Variants in ZNF525 observed in about 807,000 individuals in gnomAD.
The protein encoded by ZNF525 is zinc finger protein 525.
ZNF525 carries 33 observed loss-of-function variants against 37.6 expected under a neutral mutation model. That is an observed-to-expected ratio of 0.88 (90% confidence interval 0.67 to 1.17). ZNF525 has a LOEUF of 1.17. Among genes scored for constraint, ZNF525 ranks in the 50% most tolerant of loss-of-function variants. The pLI, the probability that ZNF525 is intolerant of heterozygous loss-of-function variation, is 0.00. For missense variants in ZNF525, 449 were observed against 543.1 expected, an observed-to-expected ratio of 0.83 and a Z score of 1.72; for synonymous variants, 170 against 182.3, an observed-to-expected ratio of 0.93 and a Z score of 0.54.
In ZNF525 at chr19:53,384,895, G is replaced by A. The variant is rs941189821; in HGVS notation, c.*2876G>A. The A allele has an allele frequency of 6.3e-5, 44 of 695,274 alleles. No individual in the cohort carries two copies. The East Asian group carries it at 1.1e-3, about 18-fold the overall frequency. 43.1% of individuals were successfully genotyped at this position (695,274 alleles called of 1,614,324 possible). ...GGAAAGCATTCCATTTTCCCTGCTT[G>A]GTTATTTACTCATTTGTCATTTCAT... On this transcript the variant is annotated 3_prime_UTR_variant, in exon 4 of 4. Transcript: ENST00000474037.
intron 1 of ZNF525, among the ~76,000 whole-genome samples, chr19:53,366,924 A>G (rs8107617): frequency 0.26 from 37,655 of 145,720 alleles, 5,146 homozygotes; most frequent in African/African-American, 0.35. Context: ...TTTAAGGTAC[A>G]CAGCGGCTCA....
rs2085576410 is a variant in ZNF525, at chr19:53,382,759, C to G, written c.*740C>G. ...AGTGTGATAAATGTGACAAATTTTT[C>G]AGACATCGTTCATACCTTGCAGTTC... On this transcript the variant is annotated 3_prime_UTR_variant, in exon 4 of 4. Transcript: ENST00000474037. The G allele has an allele frequency of 1.1e-6, 1 of 919,654 alleles. No homozygotes were observed. The allele number at this position is 919,654 out of a possible 1,614,324, so 57.0% of individuals were successfully genotyped here.
At chr19:53,377,736 G>GT (rs1162323085) in intron 3 of ZNF525, among the ~76,000 whole-genome samples, 1 of 151,532 alleles carries the variant, frequency 6.6e-6, no homozygotes, top group African/African-American at 2.4e-5. Flanking sequence ...TTGTATTTTT[G>GT]TTTTTTGTAG....
rs1314156099 is a variant in ZNF525, at chr19:53,382,866, G to A, written c.*847G>A. The stretch of plus-strand genomic sequence containing the variant: ...TTCAGATTCAAATCAAACCTTGAAA[G>A]TCATAGGAGAATTCATACTAGAGAG... On this transcript the variant is annotated 3_prime_UTR_variant, in exon 4 of 4. Transcript: ENST00000474037. 1.5e-5 allele frequency: 21 copies of A among 1,363,272 alleles called. No individual in the cohort carries two copies. Among genetic ancestry groups the A allele is most frequent in the Non-Finnish European group, 2.1e-5 (20 of 962,226 alleles). 84.4% of individuals were successfully genotyped at this position (1,363,272 alleles called of 1,614,324 possible). A position where few individuals can be genotyped will look rare whatever the true frequency, so the allele number is the denominator to read the frequency against.
Position 53,382,559 on chromosome 19 carries a change from C to G in ZNF525, c.*540C>G. On this transcript the variant is annotated 3_prime_UTR_variant, in exon 4 of 4. Coordinates refer to ENST00000474037, the MANE Select transcript of ZNF525 (RefSeq NM_001348156.2). The stretch of plus-strand genomic sequence containing the variant: ...TCATAGACGTCATACTGGAGAGAAA[C>G]CTTAGAAGTGCAATGAGTGTGGCAA... The G allele has an allele frequency of 3.0e-6, 2 of 664,940 alleles. No homozygotes were observed. The allele number at this position is 664,940 out of a possible 1,614,324, so 41.2% of individuals were successfully genotyped here.
At chr19:53,375,454 A>C (rs2085514547) in intron 2 of ZNF525, among the ~76,000 whole-genome samples, 1 of 152,088 alleles carries the variant, frequency 6.6e-6, no homozygotes, top group Non-Finnish European at 1.5e-5. Context: ...GCGTGGTGGC[A>C]TGCACCTGTA....
Position 53,383,746 on chromosome 19 carries a change from T to C in ZNF525, c.*1727T>C, listed in dbSNP as rs2085585173. 7.4e-5 allele frequency: 43 copies of C among 578,710 alleles called. 1 individual carries two copies. Among genetic ancestry groups the C allele is most frequent in the South Asian group, 6.9e-4 (40 of 58,324 alleles). 35.8% of individuals were successfully genotyped at this position (578,710 alleles called of 1,614,324 possible). On this transcript the variant is annotated 3_prime_UTR_variant, in exon 4 of 4. Coordinates refer to ENST00000474037, the MANE Select transcript of ZNF525 (RefSeq NM_001348156.2). ...AAGAGAGATCTTACAAATGTAATAATTGTGGCAAATTTTTCAGACATCGTT... is the reference window on the plus strand; with the variant it reads ...AAGAGAGATCTTACAAATGTAATAACTGTGGCAAATTTTTCAGACATCGTT...
intron 2 of ZNF525, 34 bp from the exon 3 acceptor site, chr19:53,375,736 A>G (rs763753748): frequency 1.1e-5 from 18 of 1,613,614 alleles, no homozygotes; most frequent in Non-Finnish European, 1.4e-5. Flanking sequence ...AACTCCTCCC[A>G]TAACCATTTG....
chr19:53,366,895 G>A (rs190191818), intron 1 of ZNF525, among the ~76,000 whole-genome samples: 1 of 152,250 alleles, frequency 6.6e-6, no homozygotes, highest in East Asian at 1.9e-4. Flanking sequence ...CTGATATGGG[G>A]GAGACAGGAG....
rs750993303 is a variant in ZNF525 at position 53,372,269 on chromosome 19, A to G, written c.-13A>G. 1 of 769,332 alleles carries G rather than the reference A, an allele frequency of 1.3e-6. No individual in the cohort carries two copies. The highest frequency in any genetic ancestry group is 1.8e-5 in the Admixed American group (1 of 55,400). 47.7% of individuals were successfully genotyped at this position (769,332 alleles called of 1,614,324 possible). ...AGGAAGAAACCCGGAAAAGGAAAGC[A>G]GAGGAGTCAGGGATGGCTCTTCCTC... On this transcript the variant is annotated 5_prime_UTR_variant, in exon 2 of 4. Transcript: ENST00000474037.
At chr19:53,377,556 CTTTT>C (rs1437577508) in intron 3 of ZNF525, among the ~76,000 whole-genome samples, 2 of 128,244 alleles carry the variant, frequency 1.6e-5, no homozygotes, top group African/African-American at 2.9e-5. Context: ...TCTTTCATTT[CTTTT>C]TTTTTTTTTT....
In ZNF525 at chr19:53,380,995, A is replaced by G. The variant is rs1431240917; in HGVS notation, c.416A>G (p.Gln139Arg). 6.3e-7 allele frequency: 1 copy of G among 1,588,192 alleles called. No individual in the cohort carries two copies. The highest frequency in any genetic ancestry group is 8.6e-7 in the Non-Finnish European group (1 of 1,156,420). ...GCTGGAAACAAGCCTATTAAATATCAGCTTGGATCAAGCTTTCATTCACAT... is the reference window on the plus strand; with the variant it reads ...GCTGGAAACAAGCCTATTAAATATCGGCTTGGATCAAGCTTTCATTCACAT... ...RHAGNKPIKY[Q>R]LGSSFHSHLS... The change falls in exon 4 of 4, where the codon CAG (glutamine) becomes CGG (arginine). Residue 139 changes from glutamine (Q) to arginine (R), a missense_variant. Coordinates refer to ENST00000474037, the MANE Select transcript of ZNF525 (RefSeq NM_001348156.2).
Position 53,382,485 on chromosome 19 carries a change from AAGTGTAATG to A in ZNF525, c.*472_*480del. The A allele has an allele frequency of 1.4e-6, 1 of 711,970 alleles. No homozygotes were observed. The highest frequency in any genetic ancestry group is 2.6e-6 in the Non-Finnish European group (1 of 387,686). 44.1% of individuals were successfully genotyped at this position (711,970 alleles called of 1,614,324 possible). A position where few individuals can be genotyped will look rare whatever the true frequency, so the allele number is the denominator to read the frequency against. Reference sequence around the variant, plus strand: ...ACTTCATACTGGAAATAAATCTTATAAGTGTAATGAGTGTGGCAAGACCTTCAGTAAGGA... The same window carrying A: ...ACTTCATACTGGAAATAAATCTTATAAGTGTGGCAAGACCTTCAGTAAGGA... On this transcript the variant is annotated 3_prime_UTR_variant, in exon 4 of 4. Transcript: ENST00000474037.
intron 1 of ZNF525, among the ~76,000 whole-genome samples, chr19:53,371,342 G>C (rs2085486870): frequency 6.6e-6 from 1 of 151,640 alleles, no homozygotes; most frequent in South Asian, 2.1e-4. Context: ...GAGATTACAG[G>C]TGTGTGCCAC....
intron 3 of ZNF525, among the ~76,000 whole-genome samples, chr19:53,376,640 C>CGA (rs2085524409): frequency 6.6e-6 from 1 of 152,062 alleles, no homozygotes; most frequent in South Asian, 2.1e-4. Context: ...CGCAGTGGGG[C>CGA]GATCTTGGCT....
intron 3 of ZNF525, chr19:53,376,295 T>G (rs1568758802): frequency 1.5e-6 from 1 of 677,422 alleles, no homozygotes; most frequent in South Asian, 1.5e-5. Flanking sequence ...AGGGCTAATA[T>G]GAGTCTTCTG....
In ZNF525 at chr19:53,381,693, A is replaced by T. The variant is rs2085565192; in HGVS notation, c.1114A>T (p.Ser372Cys). The T allele has an allele frequency of 9.0e-7, 1 of 1,113,700 alleles. No homozygotes were observed. Among genetic ancestry groups the T allele is most frequent in the South Asian group, 1.2e-5 (1 of 80,836 alleles). The allele number at this position is 1,113,700 out of a possible 1,614,324, so 69.0% of individuals were successfully genotyped here. ...TTTCAGTTTCAAATCAAACCTTGAA[A>T]GTCATAGGATAACTCATACTGGAGA... Reference protein sequence around the residue: ...KAFSFKSNLESHRITHTGEKP... With the variant: ...KAFSFKSNLECHRITHTGEKP... The change falls in exon 4 of 4, where the codon AGT (serine) becomes TGT (cysteine). Residue 372 changes from serine (S) to cysteine (C), a missense_variant. Ser to Cys is a moderately radical substitution (Grantham distance 112). Transcript: ENST00000474037.
chr19:53,382,856 A>G lies in ZNF525; in HGVS notation c.*837A>G. ...TGATAAAGCTTTCAGATTCAAATCA[A>G]ACCTTGAAAGTCATAGGAGAATTCA... On this transcript the variant is annotated 3_prime_UTR_variant, in exon 4 of 4. Coordinates refer to ENST00000474037, the MANE Select transcript of ZNF525 (RefSeq NM_001348156.2). The G allele has an allele frequency of 7.4e-7, 1 of 1,343,058 alleles. No homozygotes were observed. The highest frequency in any genetic ancestry group is 1.2e-5 in the South Asian group (1 of 84,926). 83.2% of individuals were successfully genotyped at this position (1,343,058 alleles called of 1,614,324 possible).
intron 3 of ZNF525, among the ~76,000 whole-genome samples, chr19:53,377,445 G>A (rs570550183): frequency 6.6e-6 from 1 of 152,146 alleles, no homozygotes; most frequent in South Asian, 2.1e-4. Flanking sequence ...TAATCTGCTG[G>A]AATTACAGGT....
Sources: allele counts gnomAD v4.1 joint callset (sites outside exome capture counted in the v4.1 genomes callset), GRCh38; gene constraint gnomAD v4.1.1; transcripts MANE v1.5; gene names NCBI Gene and HGNC (gene_info 2026-07-23, HGNC 2026-07-21).